CSMD1: variants seen among roughly 807,000 people sequenced by gnomAD.
CSMD1 encodes CUB and Sushi multiple domains 1, also known as CUB and sushi domain-containing protein 1.
In CSMD1, 213 loss-of-function variants were observed where a neutral mutation model predicts 417.5. The observed-to-expected ratio is 0.51, with a 90% CI of 0.46 to 0.57. The LOEUF (loss-of-function observed/expected upper bound fraction) is 0.57, where lower values mean the gene tolerates loss of function less well. Among genes scored for constraint, CSMD1 ranks in the 20% least tolerant of loss-of-function variants. The pLI is 0.00. For missense variants in CSMD1, 6,923 were observed against 4,529.7 expected, an observed-to-expected ratio of 1.53 and a Z score of -15.17; for synonymous variants, 2,862 against 1,736.8, an observed-to-expected ratio of 1.65 and a Z score of -16.11.
intron 2 of CSMD1, among the ~76,000 whole-genome samples, chr8:4,476,323 TG>T (rs1425132674): frequency 6.6e-6 from 1 of 152,180 alleles, no homozygotes; most frequent in African/African-American, 2.4e-5. Context: ...AAATTTCACA[TG>T]TCAAATTTAG....
chr8:4,289,142 C>T (rs1797220832), intron 3 of CSMD1, among the ~76,000 whole-genome samples: 1 of 152,260 alleles, frequency 6.6e-6, no homozygotes, highest in African/African-American at 2.4e-5. Flanking sequence ...TACAGTTCTT[C>T]TAACACCCGT....
chr8:3,969,432 T>C (rs941112518), intron 5 of CSMD1, among the ~76,000 whole-genome samples: 1 of 152,134 alleles, frequency 6.6e-6, no homozygotes. Flanking sequence ...AGCCTGGAGA[T>C]GGGTGGTCAT....
At chr8:4,507,806 A>C (rs1052842411) in intron 2 of CSMD1, among the ~76,000 whole-genome samples, 23 of 152,190 alleles carry the variant, frequency 1.5e-4, no homozygotes, top group Non-Finnish European at 2.8e-4. Flanking sequence ...TTATATGAGA[A>C]TGTCTGCTTG....
chr8:3,390,246 T>C (rs1380080207), intron 17 of CSMD1, among the ~76,000 whole-genome samples: 1 of 149,062 alleles, frequency 6.7e-6, no homozygotes, highest in Non-Finnish European at 1.5e-5. Context: ...TCCCAGCTAC[T>C]TGGGAGGCTG....
rs745902983 is a variant in CSMD1, at chr8:3,347,974, G to A, written c.3474+18C>T. On this transcript the variant is annotated intron_variant, in intron 22 of 69. Transcript: ENST00000635120. ...GAAGAAAACTTGGAGTCATCATGTT[G>A]GAGAAGATTCTTTTTACCTTTAGAG... The A allele has an allele frequency of 7.8e-6, 12 of 1,538,410 alleles. No individual in the cohort carries two copies. The South Asian group carries it at 1.0e-4, about 13-fold the overall frequency.
At chr8:3,913,541 C>T (rs1355238596) in intron 5 of CSMD1, among the ~76,000 whole-genome samples, 1 of 152,088 alleles carries the variant, frequency 6.6e-6, no homozygotes, top group Non-Finnish European at 1.5e-5. Flanking sequence ...GCCCTAGGTG[C>T]AAGTAATAAT....
At chr8:4,862,945 A>G (rs938511915) in intron 1 of CSMD1, among the ~76,000 whole-genome samples, 1 of 151,966 alleles carries the variant, frequency 6.6e-6, no homozygotes, top group Non-Finnish European at 1.5e-5. Context: ...ACTAAGAGAG[A>G]TAATGGCCAC....
chr8:3,005,627 C>T (rs1322552648), intron 52 of CSMD1, among the ~76,000 whole-genome samples: 2 of 152,174 alleles, frequency 1.3e-5, no homozygotes, highest in African/African-American at 2.4e-5. Flanking sequence ...TTACACAAAT[C>T]AATAAATGTA....
intron 3 of CSMD1, among the ~76,000 whole-genome samples, chr8:4,127,254 C>G (rs1002555028): frequency 2.6e-5 from 4 of 151,986 alleles, no homozygotes; most frequent in African/African-American, 9.7e-5. Flanking sequence ...TCTAACACTA[C>G]AGGCCCCGCT....
intron 3 of CSMD1, among the ~76,000 whole-genome samples, chr8:4,064,586 A>C (rs1412037545): frequency 3.3e-5 from 5 of 152,208 alleles, no homozygotes; most frequent in African/African-American, 9.6e-5. Context: ...CCTGTCATAC[A>C]ACTGCCGTTT....
chr8:4,680,138 T>C (rs144214621), intron 1 of CSMD1, among the ~76,000 whole-genome samples: 110 of 152,354 alleles, frequency 7.2e-4, no homozygotes, highest in African/African-American at 2.6e-3. Flanking sequence ...AGGACAACTA[T>C]GAATATACAC....
At chr8:3,637,625 T>A (rs1376578881) in intron 7 of CSMD1, among the ~76,000 whole-genome samples, 2 of 148,938 alleles carry the variant, frequency 1.3e-5, no homozygotes, top group South Asian at 4.3e-4. Flanking sequence ...GGTGCTACTG[T>A]TGGCACTATT....
chr8:3,846,110 T>C (rs953045375), intron 5 of CSMD1, among the ~76,000 whole-genome samples: 5 of 152,074 alleles, frequency 3.3e-5, no homozygotes, highest in Admixed American at 2.0e-4. Context: ...AAAAGTATAG[T>C]AATTATATAA....
chr8:4,573,333 G>A (rs181167748), intron 2 of CSMD1, among the ~76,000 whole-genome samples: 154 of 152,226 alleles, frequency 1.0e-3, no homozygotes, highest in African/African-American at 3.3e-3. Flanking sequence ...TAATGTTGAC[G>A]CTATTCCTCT....
At chr8:4,016,195 G>T (rs1371500364) in intron 4 of CSMD1, among the ~76,000 whole-genome samples, 2 of 152,110 alleles carry the variant, frequency 1.3e-5, no homozygotes, top group Admixed American at 6.5e-5. Context: ...TGCCAGAGAG[G>T]TTTAGTCTAA....
chr8:3,013,964 C>A (rs1160499119), intron 52 of CSMD1, among the ~76,000 whole-genome samples: 8 of 152,074 alleles, frequency 5.3e-5, no homozygotes, highest in Non-Finnish European at 1.2e-4. Context: ...CACATATGAG[C>A]CTGCTCTTAC....
chr8:4,894,818 T>C (rs1186871595), intron 1 of CSMD1, among the ~76,000 whole-genome samples: 1 of 152,114 alleles, frequency 6.6e-6, no homozygotes, highest in Non-Finnish European at 1.5e-5. Flanking sequence ...GACAACTTGA[T>C]CTGTGCCAAT....
At chr8:4,829,666 G>A (rs1462467989) in intron 1 of CSMD1, among the ~76,000 whole-genome samples, 2 of 150,896 alleles carry the variant, frequency 1.3e-5, no homozygotes, top group African/African-American at 4.9e-5. Context: ...CTTAAATCCA[G>A]GATGTGGGAG....
At chr8:4,647,056 G>A (rs1006357672) in intron 1 of CSMD1, among the ~76,000 whole-genome samples, 1 of 152,130 alleles carries the variant, frequency 6.6e-6, no homozygotes, top group East Asian at 1.9e-4. Flanking sequence ...AGGCCAAGAT[G>A]GCAGCAAAGT....
Sources: allele counts gnomAD v4.1 joint callset (sites outside exome capture counted in the v4.1 genomes callset), GRCh38; gene constraint gnomAD v4.1.1; transcripts MANE v1.5; gene names NCBI Gene and HGNC (gene_info 2026-07-23, HGNC 2026-07-21).